TNFSF12: variants seen among roughly 807,000 people sequenced by gnomAD.
The protein encoded by TNFSF12 is TNF superfamily member 12.
A neutral mutation model predicts 31.2 loss-of-function variants in TNFSF12; 16 were observed. The observed-to-expected ratio is 0.51, with a 90% confidence interval of 0.35 to 0.78. The LOEUF (loss-of-function observed/expected upper bound fraction) is 0.78, where lower values mean the gene tolerates loss of function less well. TNFSF12 is among the 30% of genes least tolerant of loss of function. The probability of loss-of-function intolerance (pLI) is 0.01; values close to 1 mark genes in which losing one functional copy is unlikely to be tolerated. For synonymous variants in TNFSF12, 150 were observed against 151.4 expected, an observed-to-expected ratio of 0.99 and a Z score of 0.07; for missense variants, 324 against 338.8, an observed-to-expected ratio of 0.96 and a Z score of 0.34.
At chr17:7,556,094 C>A (rs1311991079) in intron 5 of TNFSF12, among the ~76,000 whole-genome samples, 2 of 149,208 alleles carry the variant, frequency 1.3e-5, no homozygotes, top group Admixed American at 1.4e-4. Context: ...AATTCTCCTG[C>A]CTCAGCCTCC....
Position 7,554,645 on chromosome 17 carries a change from G to A in TNFSF12, c.374-2133G>A, listed in dbSNP as rs577628131. Among the ~76,000 whole-genome samples, 10 of 146,832 alleles carry A rather than the reference G, an allele frequency of 6.8e-5. No individual in the cohort carries two copies. In the East Asian group the frequency reaches 2.1e-3, roughly 30 times the overall value. On this transcript the variant is annotated intron_variant, in intron 5 of 6. Coordinates refer to ENST00000293825, the MANE Select transcript of TNFSF12 (RefSeq NM_003809.3). ...GACCCATTTTTTTTTTTGAGATGGA[G>A]TTTTGCTCTTGTTGCCCCAGCTGGA...
chr17:7,552,640 T>C (rs1232371949), intron 5 of TNFSF12, among the ~76,000 whole-genome samples: 3 of 152,072 alleles, frequency 2.0e-5, no homozygotes, highest in Admixed American at 6.6e-5. Context: ...ATCGATGGCA[T>C]TTAAAGCCAC....
At position 7,550,403 on chromosome 17, in the gene TNFSF12, G is replaced by T. The variant is rs2070987507; in HGVS notation, c.283+208G>T. ...GACCCTACCCCAAACAGGAAGGCAGGGTGGCCATGAGTTAGAAGAACTACT... is the reference window on the plus strand; with the variant it reads ...GACCCTACCCCAAACAGGAAGGCAGTGTGGCCATGAGTTAGAAGAACTACT... On this transcript the variant is annotated intron_variant, in intron 3 of 6. Coordinates refer to ENST00000293825, the MANE Select transcript of TNFSF12 (RefSeq NM_003809.3). This position sits in a 1 kb window ranked among gnomAD's most constrained non-coding sequence, Gnocchi z 4.4. 2.0e-5 allele frequency among the ~76,000 whole-genome samples: 3 copies of T among 152,188 alleles called. No homozygotes were observed. Among genetic ancestry groups the T allele is most frequent in the African/African-American group, 7.2e-5 (3 of 41,422 alleles).
Position 7,550,244 on chromosome 17 carries a change from A to G in TNFSF12, c.283+49A>G, listed in dbSNP as rs1372875371. On this transcript the variant is annotated intron_variant, in intron 3 of 6. Transcript: ENST00000293825. The surrounding 1 kb of genome is among the most constrained non-coding windows in gnomAD (Gnocchi z 4.4). Reference sequence around the variant, plus strand: ...TCAGGAAGCGGGCAGAGCAAAAACCATTATCCACAGGGAGAAACTGAGGCA... The same window carrying G: ...TCAGGAAGCGGGCAGAGCAAAAACCGTTATCCACAGGGAGAAACTGAGGCA... 4 of 1,613,524 alleles carry G rather than the reference A, an allele frequency of 2.5e-6. No individual in the cohort carries two copies. The highest frequency in any genetic ancestry group is 3.4e-6 in the Non-Finnish European group (4 of 1,179,752).
At position 7,549,158 on chromosome 17, in the gene TNFSF12, C is replaced by A. The variant is rs1263939149; in HGVS notation, c.5C>A (p.Ala2Asp). 1.6e-6 allele frequency: 2 copies of A among 1,279,940 alleles called. No individual in the cohort carries two copies. The highest frequency in any genetic ancestry group is 9.8e-7 in the Non-Finnish European group (1 of 1,016,082). 79.3% of individuals were successfully genotyped at this position (1,279,940 alleles called of 1,614,324 possible). Residue 2 changes from alanine (A) to aspartate (D), a missense_variant, in exon 1 of 7, where the codon GCC (alanine) becomes GAC (aspartate). Physicochemically the swap from Ala to Asp is moderately radical, Grantham distance 126. Coordinates refer to ENST00000293825, the MANE Select transcript of TNFSF12 (RefSeq NM_003809.3). This position sits in a 1 kb window ranked among gnomAD's most constrained non-coding sequence, Gnocchi z 4.1. ...CAGGCACAGCCCCCCGCCCCCATGG[C>A]CGCCCGTCGGAGCCAGAGGCGGAGG... M[A>D]ARRSQRRRGR...
intron 5 of TNFSF12, among the ~76,000 whole-genome samples, chr17:7,555,565 C>T (rs545120343): frequency 1.3e-5 from 2 of 152,298 alleles, no homozygotes; most frequent in Admixed American, 1.3e-4. Flanking sequence ...ATCTTAGAGA[C>T]TCATTCTGTG....
chr17:7,557,562 C>A lies in TNFSF12; in HGVS notation c.*212C>A. The stretch of plus-strand genomic sequence containing the variant: ...TACAACTCCCCCACCGCCCACTCTC[C>A]ACCTCACTAGCTCCCCAATCCCTGA... On this transcript the variant is annotated 3_prime_UTR_variant, in exon 7 of 7. Transcript: ENST00000293825. The surrounding 1 kb of genome is among the most constrained non-coding windows in gnomAD (Gnocchi z 5.2). 1 of 676,942 alleles carries A rather than the reference C, an allele frequency of 1.5e-6. No individual in the cohort carries two copies. Among genetic ancestry groups the A allele is most frequent in the Non-Finnish European group, 2.4e-6 (1 of 423,380 alleles). The allele number at this position is 676,942 out of a possible 1,614,324, so 41.9% of individuals were successfully genotyped here.
Position 7,556,918 on chromosome 17 carries a change from C to T in TNFSF12, c.498+16C>T, listed in dbSNP as rs1224170169. ...GTACTGTCAGGTAAGCCCCATCTGG[C>T]TGCATGGGTAACGCAGTAAGAGAGT... is the stretch of plus-strand genomic sequence containing the variant. On this transcript the variant is annotated intron_variant, in intron 6 of 6. Transcript: ENST00000293825. 6.6e-7 allele frequency: 1 copy of T among 1,521,676 alleles called. No individual in the cohort carries two copies. Among genetic ancestry groups the T allele is most frequent in the Admixed American group, 2.1e-5 (1 of 46,834 alleles). 94.3% of individuals were successfully genotyped at this position (1,521,676 alleles called of 1,614,324 possible).
Position 7,557,365 on chromosome 17 carries a change from C to G in TNFSF12, c.*15C>G, listed in dbSNP as rs761314027. ...AGGTTCACTGAGGGGCCCTGGTCTC[C>G]CCGCAGTCGTCCCAGGCTGCCGGCT... On this transcript the variant is annotated 3_prime_UTR_variant, in exon 7 of 7. Transcript: ENST00000293825. This position sits in a 1 kb window ranked among gnomAD's most constrained non-coding sequence, Gnocchi z 5.2. 5 of 1,568,502 alleles carry G rather than the reference C, an allele frequency of 3.2e-6. No individual in the cohort carries two copies. The African/African-American group carries it at 6.8e-5, about 21-fold the overall frequency.
Position 7,557,403 on chromosome 17 carries a change from T to C in TNFSF12, c.*53T>C. The C allele has an allele frequency of 1.3e-6, 2 of 1,529,790 alleles. No homozygotes were observed. The highest frequency in any genetic ancestry group is 2.5e-5 in the South Asian group (2 of 78,982). 94.8% of individuals were successfully genotyped at this position (1,529,790 alleles called of 1,614,324 possible). On this transcript the variant is annotated 3_prime_UTR_variant, in exon 7 of 7. Coordinates refer to ENST00000293825, the MANE Select transcript of TNFSF12 (RefSeq NM_003809.3). The surrounding 1 kb of genome is among the most constrained non-coding windows in gnomAD (Gnocchi z 5.2). Reference sequence around the variant, plus strand: ...CAGGCTGCCGGCTCCCCTCGACAGCTCTCTGGGCACCCGGTCCCCTCTGCC... The same window carrying C: ...CAGGCTGCCGGCTCCCCTCGACAGCCCTCTGGGCACCCGGTCCCCTCTGCC...
rs1442564280 is a variant in TNFSF12, at chr17:7,549,898, G to A, written c.208-222G>A. On this transcript the variant is annotated intron_variant, in intron 2 of 6. Coordinates refer to ENST00000293825, the MANE Select transcript of TNFSF12 (RefSeq NM_003809.3). This position sits in a 1 kb window ranked among gnomAD's most constrained non-coding sequence, Gnocchi z 4.1. Reference sequence around the variant, plus strand: ...AATGCAGGGTCTGCGTTGGTTGTGTGTGTGGGTGGGAAAGTGTAGCTGGTC... The same window carrying A: ...AATGCAGGGTCTGCGTTGGTTGTGTATGTGGGTGGGAAAGTGTAGCTGGTC... 7 of 648,882 alleles carry A rather than the reference G, an allele frequency of 1.1e-5. No individual in the cohort carries two copies. The highest frequency in any genetic ancestry group is 1.6e-5 in the Non-Finnish European group (6 of 378,634). The allele number at this position is 648,882 out of a possible 1,614,324, so 40.2% of individuals were successfully genotyped here.
At position 7,555,973 on chromosome 17, in the gene TNFSF12, G is replaced by GTTTTTTTTTT. The variant is rs59248137; in HGVS notation, c.374-797_374-796insTTTTTTTTTT. On this transcript the variant is annotated intron_variant, in intron 5 of 6. Transcript: ENST00000293825. ...GTGGAAATAAAAATGCCCAGTGAGC[G>GTTTTTTTTTT]TTTTTTTTGTTTTTTTTTTTTTTTG... Among the ~76,000 whole-genome samples, 75 of 70,856 alleles carry GTTTTTTTTTT rather than the reference G, an allele frequency of 1.1e-3. 9 individuals carry two copies. The highest frequency in any genetic ancestry group is 1.3e-3 in the African/African-American group (23 of 17,542). 46.5% of individuals were successfully genotyped at this position (70,856 alleles called of 152,430 possible).
rs1172333538 is a variant in TNFSF12, at chr17:7,549,773, GAT to G, written c.207+255_207+256del. On this transcript the variant is annotated intron_variant, in intron 2 of 6. Coordinates refer to ENST00000293825, the MANE Select transcript of TNFSF12 (RefSeq NM_003809.3). This position sits in a 1 kb window ranked among gnomAD's most constrained non-coding sequence, Gnocchi z 4.1. Reference sequence around the variant, plus strand: ...GGCTGGGGGTGACGTGGTTGTATAAGATATGTGAGTCTGCGTGGAAGAGGGGT... The same window carrying G: ...GGCTGGGGGTGACGTGGTTGTATAAGATGTGAGTCTGCGTGGAAGAGGGGT... 23 of 630,770 alleles carry G rather than the reference GAT, an allele frequency of 3.6e-5. No homozygotes were observed. Among genetic ancestry groups the G allele is most frequent in the Non-Finnish European group, 5.6e-5 (21 of 374,950 alleles). The allele number at this position is 630,770 out of a possible 1,614,324, so 39.1% of individuals were successfully genotyped here.
At chr17:7,555,756 G>T (rs2071054236) in intron 5 of TNFSF12, among the ~76,000 whole-genome samples, 2 of 152,022 alleles carry the variant, frequency 1.3e-5, no homozygotes, top group Non-Finnish European at 2.9e-5. Context: ...TATCCCCCTG[G>T]TGGCAAAACC....
Position 7,550,142 on chromosome 17 carries a change from A to C in TNFSF12, c.230A>C (p.Glu77Ala), listed in dbSNP as rs1380043013. ...DPSELNPQTE[E>A]SQDPAPFLNR... Reference sequence around the variant, plus strand: ...TAGGAACTGAATCCCCAGACAGAAGAAAGCCAGGATCCTGCGCCTTTCCTG... The same window carrying C: ...TAGGAACTGAATCCCCAGACAGAAGCAAGCCAGGATCCTGCGCCTTTCCTG... Residue 77 changes from glutamate to alanine, a missense_variant, in exon 3 of 7, where the codon GAA becomes GCA. Physicochemically the swap from Glu to Ala is moderately radical, Grantham distance 107. Coordinates refer to ENST00000293825, the MANE Select transcript of TNFSF12 (RefSeq NM_003809.3). The surrounding 1 kb of genome is among the most constrained non-coding windows in gnomAD (Gnocchi z 4.4). The C allele has an allele frequency of 1.9e-6, 3 of 1,614,116 alleles. No homozygotes were observed. Among genetic ancestry groups the C allele is most frequent in the Non-Finnish European group, 1.7e-6 (2 of 1,180,004 alleles).
At position 7,549,465 on chromosome 17, in the gene TNFSF12, T is replaced by C; in HGVS notation, c.160-9T>C. On this transcript the variant is annotated splice_polypyrimidine_tract_variant and intron_variant, in intron 1 of 6. Coordinates refer to ENST00000293825, the MANE Select transcript of TNFSF12 (RefSeq NM_003809.3). This position sits in a 1 kb window ranked among gnomAD's most constrained non-coding sequence, Gnocchi z 4.1. Reference sequence around the variant, plus strand: ...GCGGCACAGGGTGACGCTCCCTCCTTCCCAGCAGGAGCCTGCCCAGGAGGA... The same window carrying C: ...GCGGCACAGGGTGACGCTCCCTCCTCCCCAGCAGGAGCCTGCCCAGGAGGA... The C allele has an allele frequency of 6.6e-7, 1 of 1,518,476 alleles. No individual in the cohort carries two copies. The highest frequency in any genetic ancestry group is 1.4e-5 in the African/African-American group (1 of 72,774). 94.1% of individuals were successfully genotyped at this position (1,518,476 alleles called of 1,614,324 possible). A position where few individuals can be genotyped will look rare whatever the true frequency, so the allele number is the denominator to read the frequency against.
chr17:7,550,321 C>T lies in TNFSF12; in HGVS notation c.283+126C>T. On this transcript the variant is annotated intron_variant, in intron 3 of 6. Transcript: ENST00000293825. This position sits in a 1 kb window ranked among gnomAD's most constrained non-coding sequence, Gnocchi z 4.4. ...TGCAGCTAACCAGCCAAGACTCAAA[C>T]CTAGGGATTCTCGCCCTCCTCTGAA... 2 of 1,424,216 alleles carry T rather than the reference C, an allele frequency of 1.4e-6. No individual in the cohort carries two copies. The highest frequency in any genetic ancestry group is 1.9e-6 in the Non-Finnish European group (2 of 1,034,862). 88.2% of individuals were successfully genotyped at this position (1,424,216 alleles called of 1,614,324 possible).
At chr17:7,552,624 C>T (rs1036834677) in intron 5 of TNFSF12, among the ~76,000 whole-genome samples, 3 of 152,076 alleles carry the variant, frequency 2.0e-5, no homozygotes, top group African/African-American at 7.2e-5. Flanking sequence ...CCCTTGTGCC[C>T]GGCCTATCGA....
At position 7,556,878 on chromosome 17, in the gene TNFSF12, T is replaced by C. The variant is rs752182225; in HGVS notation, c.474T>C (p.Ala158=). The change falls in exon 6 of 7, where the codon GCT becomes GCC. Residue 158 remains alanine, a synonymous_variant. Coordinates refer to ENST00000293825, the MANE Select transcript of TNFSF12 (RefSeq NM_003809.3). ...TCGGGGAGTTTATAGTCACCCGGGC[T>C]GGGCTCTACTACCTGTACTGTCAGG... ...RQIGEFIVTR[A]GLYYLYCQVH... The C allele has an allele frequency of 6.5e-7, 1 of 1,538,112 alleles. No homozygotes were observed. The highest frequency in any genetic ancestry group is 8.8e-7 in the Non-Finnish European group (1 of 1,139,890).
Sources: allele counts gnomAD v4.1 joint callset (sites outside exome capture counted in the v4.1 genomes callset), GRCh38; gene constraint gnomAD v4.1.1; non-coding constraint Gnocchi (gnomAD v3.1); transcripts MANE v1.5; gene names NCBI Gene and HGNC (gene_info 2026-07-23, HGNC 2026-07-21).